Variants in NECAB2 observed in about 807,000 individuals in gnomAD.
NECAB2 encodes N-terminal EF-hand calcium binding protein 2, also known as N-terminal EF-hand calcium-binding protein 2.
NECAB2 carries 68 observed loss-of-function variants against 51.9 expected under a neutral mutation model. The observed-to-expected ratio is 1.31, with a 90% CI of 1.08 to 1.60. The LOEUF is 1.60. Ranked by LOEUF, NECAB2 falls within the 40% of genes most tolerant of loss-of-function variation. The pLI is 0.00. For synonymous variants in NECAB2, 329 were observed against 203.5 expected (o/e 1.62, Z -5.25); for missense variants, 854 against 490.3 (o/e 1.74, Z -7.00).
At position 84,002,355 on chromosome 16, in the gene NECAB2, C is replaced by T. The variant is rs1457117122; in HGVS notation, c.*9C>T. On this transcript the variant is annotated 3_prime_UTR_variant, in exon 13 of 13. Transcript: ENST00000305202. ...CGGTGGGACGGGACTGACAGCCTCC[C>T]AGAGGCCCGTGGAGGAGCCCACCAG... 1.9e-6 allele frequency: 3 copies of T among 1,613,774 alleles called. No individual in the cohort carries two copies. Among genetic ancestry groups the T allele is most frequent in the African/African-American group, 1.3e-5 (1 of 74,874 alleles).
intron 3 of NECAB2, among the ~76,000 whole-genome samples, chr16:83,979,422 G>C (rs1301982007): frequency 6.6e-6 from 1 of 152,184 alleles, no homozygotes. Flanking sequence ...TTGGACCAGA[G>C]GCTGCGGCTG....
intron 3 of NECAB2, 147 bp from the exon 4 acceptor site, chr16:83,980,692 G>A (rs2151089098): frequency 9.2e-7 from 1 of 1,083,352 alleles, no homozygotes; most frequent in East Asian, 2.6e-5. Context: ...CCTACCTGCT[G>A]CACCCTCTTC....
Position 84,002,390 on chromosome 16 carries a change from C to T in NECAB2, c.*44C>T. The T allele has an allele frequency of 1.3e-6, 2 of 1,593,648 alleles. No homozygotes were observed. Among genetic ancestry groups the T allele is most frequent in the East Asian group, 2.2e-5 (1 of 44,684 alleles). ...TGGAGGAGCCCACCAGCCCCTTCTT[C>T]TTGTGAAGGAAATCCCGTTTTTTTC... is the stretch of plus-strand genomic sequence containing the variant. On this transcript the variant is annotated 3_prime_UTR_variant, in exon 13 of 13. Coordinates refer to ENST00000305202, the MANE Select transcript of NECAB2 (RefSeq NM_019065.3).
chr16:83,969,165 A>T (rs572001542), intron 1 of NECAB2, among the ~76,000 whole-genome samples: 213 of 150,048 alleles, frequency 1.4e-3, no homozygotes, highest in African/African-American at 5.0e-3. Flanking sequence ...GTTTTGTCCA[A>T]GCCAAACCCC....
chr16:83,994,377 C>T lies in NECAB2; in HGVS notation c.672C>T (p.Asn224=), dbSNP rs766121001. ...CGSPTPASAP[N]HKLMAMEQGK... ...GCCCCACTCCCGCCTCTGCCCCCAA[C>T]CACAAGCTCATGGCTATGGAACAAG... Residue 224 remains asparagine, a synonymous_variant, in exon 7 of 13, where the codon AAC becomes AAT. Transcript: ENST00000305202. The T allele has an allele frequency of 3.1e-6, 5 of 1,614,200 alleles. No homozygotes were observed. Among genetic ancestry groups the T allele is most frequent in the South Asian group, 1.1e-5 (1 of 91,086 alleles).
At chr16:83,982,695 T>A (rs2084503910) in intron 5 of NECAB2, among the ~76,000 whole-genome samples, 1 of 152,100 alleles carries the variant, frequency 6.6e-6, no homozygotes, top group Non-Finnish European at 1.5e-5. Flanking sequence ...CATAAGAGAG[T>A]TCTCCATCAG....
upstream of NECAB2, chr16:83,965,438 CTCA>C: frequency 6.3e-7 from 1 of 1,593,164 alleles, no homozygotes; most frequent in Non-Finnish European, 8.5e-7. Flanking sequence ...AGACCCTGTC[CTCA>C]TCATTGGCGC....
intron 12 of NECAB2, among the ~76,000 whole-genome samples, 189 bp from the exon 13 acceptor site, chr16:84,002,129 C>T (rs1301168022): frequency 6.6e-6 from 1 of 152,176 alleles, no homozygotes; most frequent in East Asian, 1.9e-4. Context: ...CCTCCACGGC[C>T]CCCTACTTCC....
At position 84,002,622 on chromosome 16, in the gene NECAB2, T is replaced by A. The variant is rs2280027; in HGVS notation, c.*276T>A. ...TGCCTCCTGGTCCTGGCCTCTCCCC[T>A]ACCCCTCACATGGCCACGCATGACC... On this transcript the variant is annotated 3_prime_UTR_variant, in exon 13 of 13. Transcript: ENST00000305202. The A allele has an allele frequency of 2.5e-5, 14 of 553,966 alleles. No homozygotes were observed. The South Asian group carries it at 2.7e-4, about 11-fold the overall frequency. The allele number at this position is 553,966 out of a possible 1,614,324, so 34.3% of individuals were successfully genotyped here.
In NECAB2 at chr16:83,976,299, G is replaced by C. The variant is rs138850454; in HGVS notation, c.227-2145G>C. On this transcript the variant is annotated intron_variant, in intron 2 of 12. Coordinates refer to ENST00000305202, the MANE Select transcript of NECAB2 (RefSeq NM_019065.3). ...CTGGACTTGGGAGCCAGATGGCCTGGGTTCAAGCTTCAGCTGTAGGACCTA... is the reference window on the plus strand; with the variant it reads ...CTGGACTTGGGAGCCAGATGGCCTGCGTTCAAGCTTCAGCTGTAGGACCTA... Among the ~76,000 whole-genome samples the C allele has an allele frequency of 2.0e-3, 308 of 152,336 alleles. 1 individual carries two copies. The highest frequency in any genetic ancestry group is 7.1e-3 in the African/African-American group (296 of 41,582).
At chr16:84,002,112 A>C (rs1372193371) in intron 12 of NECAB2, among the ~76,000 whole-genome samples, 196 bp downstream of exon 12, 2 of 151,964 alleles carry the variant, frequency 1.3e-5, no homozygotes, top group African/African-American at 4.8e-5. Context: ...CTTGCACCAG[A>C]GCACCCCCTC....
Position 83,968,785 on chromosome 16 carries a change from C to T in NECAB2, c.137C>T (p.Ala46Val), listed in dbSNP as rs895545980. The T allele has an allele frequency of 1.7e-5, 19 of 1,112,290 alleles. No individual in the cohort carries two copies. The highest frequency in any genetic ancestry group is 4.2e-5 in the South Asian group (1 of 23,676). 68.9% of individuals were successfully genotyped at this position (1,112,290 alleles called of 1,614,324 possible). A position where few individuals can be genotyped will look rare whatever the true frequency, so the allele number is the denominator to read the frequency against. ...ATGGGCGAGCCCCGGGAGTCGCTGG[C>T]CCCCGCCGCCCCCGCGGACCCCGGC... Reference protein sequence around the residue: ...ARMGEPRESLAPAAPADPGPA... With the variant: ...ARMGEPRESLVPAAPADPGPA... The change falls in exon 1 of 13, where the codon GCC becomes GTC. Residue 46 changes from alanine (A) to valine (V), a missense_variant. Physicochemically the swap from Ala to Val is moderately conservative, Grantham distance 64. Transcript: ENST00000305202.
upstream of NECAB2, chr16:83,965,531 G>T: frequency 6.2e-7 from 1 of 1,612,648 alleles, no homozygotes; most frequent in Non-Finnish European, 8.5e-7. Flanking sequence ...CCGGGCCGTG[G>T]ACGACCCTGG....
intron 8 of NECAB2, among the ~76,000 whole-genome samples, chr16:83,996,301 T>C (rs2084697708): frequency 6.6e-6 from 1 of 152,204 alleles, no homozygotes; most frequent in East Asian, 1.9e-4. Flanking sequence ...TACCAAGGCG[T>C]GTTCATGCTG....
rs1597217829 is a variant in NECAB2 at position 83,992,819 on chromosome 16, T to C, written c.597-1483T>C. ...GCACATGTGGTCAGTCTTGTGATTC[T>C]TGGGTGCCCCAGAATTAGCAGCCAT... On this transcript the variant is annotated intron_variant, in intron 6 of 12. Coordinates refer to ENST00000305202, the MANE Select transcript of NECAB2 (RefSeq NM_019065.3). 2.0e-5 allele frequency among the ~76,000 whole-genome samples: 3 copies of C among 152,320 alleles called. No individual in the cohort carries two copies. In the East Asian group the frequency reaches 5.8e-4, roughly 29 times the overall value.
rs556796550 is a variant in NECAB2, at chr16:83,980,695, C to T, written c.336-144C>T. Reference sequence around the variant, plus strand: ...GCGGGGGTGTCACCTACCTGCTGCACCCTCTTCTGTAAGGCGGAGCTTGTG... The same window carrying T: ...GCGGGGGTGTCACCTACCTGCTGCATCCTCTTCTGTAAGGCGGAGCTTGTG... On this transcript the variant is annotated intron_variant, in intron 3 of 12. Coordinates refer to ENST00000305202, the MANE Select transcript of NECAB2 (RefSeq NM_019065.3). The T allele has an allele frequency of 1.2e-5, 14 of 1,129,552 alleles. No homozygotes were observed. The East Asian group carries it at 2.8e-4, about 23-fold the overall frequency. The allele number at this position is 1,129,552 out of a possible 1,614,324, so 70.0% of individuals were successfully genotyped here. A position where few individuals can be genotyped will look rare whatever the true frequency, so the allele number is the denominator to read the frequency against.
At chr16:83,994,210 C>T (rs1230650529) in intron 6 of NECAB2, 92 bp from the exon 7 acceptor site, 1 of 1,161,836 alleles carries the variant, frequency 8.6e-7, no homozygotes, top group South Asian at 1.3e-5. Flanking sequence ...AGTCCACTGT[C>T]TTGCGTAATA....
At chr16:83,971,966 G>A in intron 1 of NECAB2, 185 bp from the exon 2 acceptor site, 2 of 747,712 alleles carry the variant, frequency 2.7e-6, no homozygotes, top group Non-Finnish European at 4.3e-6. Flanking sequence ...GCCTCTGTCT[G>A]CAACATCCCT....
Position 84,000,795 on chromosome 16 carries a change from G to C in NECAB2, c.1034G>C (p.Trp345Ser), listed in dbSNP as rs1597232876. 6.2e-7 allele frequency: 1 copy of C among 1,613,616 alleles called. No homozygotes were observed. The highest frequency in any genetic ancestry group is 8.5e-7 in the Non-Finnish European group (1 of 1,179,936). Residue 345 changes from tryptophan to serine, a missense_variant, in exon 11 of 13, where the codon TGG (tryptophan) becomes TCG (serine). Trp to Ser is a radical substitution (Grantham distance 177). Transcript: ENST00000305202. ...IYEFWETEEA[W>S]KRHLQSPLCK... is the part of the protein sequence containing the mutation. Reference sequence around the variant, plus strand: ...GAGTTCTGGGAGACAGAGGAGGCGTGGAAGAGGTGAGATGCTGGGTCCCCA... The same window carrying C: ...GAGTTCTGGGAGACAGAGGAGGCGTCGAAGAGGTGAGATGCTGGGTCCCCA...
Sources: allele counts gnomAD v4.1 joint callset (sites outside exome capture counted in the v4.1 genomes callset), GRCh38; gene constraint gnomAD v4.1.1; transcripts MANE v1.5; gene names NCBI Gene and HGNC (gene_info 2026-07-23, HGNC 2026-07-21).